Variants in DUSP12 observed in about 807,000 individuals in gnomAD.
DUSP12 encodes the protein dual specificity phosphatase 12, also known as dual specificity protein phosphatase 12.
A neutral mutation model predicts 38.9 loss-of-function variants in DUSP12; 25 were observed. That is an observed-to-expected ratio of 0.64 (90% CI 0.47 to 0.90). The LOEUF (loss-of-function observed/expected upper bound fraction) is 0.90. DUSP12 is among the 40% of genes least tolerant of loss of function. DUSP12 has a pLI of 0.00. For missense variants in DUSP12, 403 were observed against 427.0 expected (o/e 0.94, Z 0.50); for synonymous variants, 153 against 153.9 (o/e 0.99, Z 0.05).
intron 1 of DUSP12, among the ~76,000 whole-genome samples, chr1:161,750,942 A>T (rs971325768): frequency 3.9e-5 from 6 of 152,100 alleles, no homozygotes; most frequent in African/African-American, 7.2e-5. Flanking sequence ...AAAAAAAGAA[A>T]ATGGGAATCC....
chr1:161,752,018 C>A, intron 3 of DUSP12, 34 bp downstream of exon 3: 1 of 1,357,772 alleles, frequency 7.4e-7, no homozygotes, highest in South Asian at 1.3e-5. Context: ...AATGGGCTTT[C>A]TAGATGACAT....
chr1:161,753,135 C>T lies in DUSP12; in HGVS notation c.735C>T (p.Ala245=). The part of the protein sequence containing the change: ...LDHREGSGPI[A]FAHKRMTPSS... Reference sequence around the variant, plus strand: ...ACCGTGAAGGAAGTGGACCTATAGCCTTTGCCCACAAGAGAATGACACCAT... The same window carrying T: ...ACCGTGAAGGAAGTGGACCTATAGCTTTTGCCCACAAGAGAATGACACCAT... Residue 245 remains alanine (A), a synonymous_variant, in exon 5 of 6, where the codon GCC becomes GCT. Transcript: ENST00000367943. 6.2e-7 allele frequency: 1 copy of T among 1,613,942 alleles called. No individual in the cohort carries two copies. Among genetic ancestry groups the T allele is most frequent in the African/African-American group, 1.3e-5 (1 of 75,002 alleles).
At chr1:161,756,483 C>CTATATA (rs10527814) in intron 5 of DUSP12, among the ~76,000 whole-genome samples, 4,690 of 124,124 alleles carry the variant, frequency 0.038, 280 homozygotes, top group Non-Finnish European at 0.058. Flanking sequence ...GATTTAAAAG[C>CTATATA]TATATATATA....
rs780322655 is a variant in DUSP12, at chr1:161,756,810, A to G, written c.886A>G (p.Lys296Glu). The G allele has an allele frequency of 6.2e-7, 1 of 1,612,542 alleles. No individual in the cohort carries two copies. The highest frequency in any genetic ancestry group is 1.7e-5 in the Admixed American group (1 of 59,842). ...GQLLCPKCSA[K>E]LGSFNWYGEQ... ...GCTTCTTTGCCCAAAATGCAGTGCC[A>G]AGTTGGGTTCCTTCAACTGGTATGG... Residue 296 changes from lysine to glutamate, a missense_variant, in exon 6 of 6, where the codon AAG (lysine) becomes GAG (glutamate). Lys to Glu is a moderately conservative substitution (Grantham distance 56). Coordinates refer to ENST00000367943, the MANE Select transcript of DUSP12 (RefSeq NM_007240.3).
intron 5 of DUSP12, among the ~76,000 whole-genome samples, chr1:161,755,748 A>G (rs1418937063): frequency 2.6e-5 from 4 of 152,210 alleles, no homozygotes; most frequent in Non-Finnish European, 4.4e-5. Flanking sequence ...CATCTAATAT[A>G]TTGCAACTAT....
chr1:161,750,193 G>A, intron 1 of DUSP12, 48 bp downstream of exon 1: 1 of 1,572,474 alleles, frequency 6.4e-7, no homozygotes, highest in South Asian at 1.1e-5. Context: ...GCTTCCAGCC[G>A]GCCCCCGTCG....
intron 5 of DUSP12, among the ~76,000 whole-genome samples, chr1:161,755,451 T>C (rs1684094151): frequency 6.6e-6 from 1 of 152,194 alleles, no homozygotes; most frequent in Non-Finnish European, 1.5e-5. Flanking sequence ...ACAAATTTGG[T>C]TTTCAGTAAC....
At chr1:161,750,932 A>C (rs575666535) in intron 1 of DUSP12, among the ~76,000 whole-genome samples, 84 of 152,130 alleles carry the variant, frequency 5.5e-4, no homozygotes, top group East Asian at 2.9e-3. Context: ...CCCTCCCCCC[A>C]AAAAAAGAAA....
chr1:161,755,238 A>ATTTTACT (rs1220824195), intron 5 of DUSP12, among the ~76,000 whole-genome samples: 1 of 152,032 alleles, frequency 6.6e-6, no homozygotes, highest in African/African-American at 2.4e-5. Context: ...TGGCTTTCTA[A>ATTTTACT]TTTTACTTAA....
chr1:161,751,846 A>G lies in DUSP12; in HGVS notation c.459-20A>G. The G allele has an allele frequency of 6.2e-7, 1 of 1,603,338 alleles. No homozygotes were observed. The highest frequency in any genetic ancestry group is 8.5e-7 in the Non-Finnish European group (1 of 1,175,392). On this transcript the variant is annotated intron_variant, in intron 2 of 5. Transcript: ENST00000367943. ...TATAATTTTAAGAAAATGAAACTTT[A>G]TATTTCTTTATCATTACAGGATGAA...
chr1:161,753,744 G>A (rs1684066294), intron 5 of DUSP12, among the ~76,000 whole-genome samples: 1 of 141,760 alleles, frequency 7.1e-6, no homozygotes, highest in Admixed American at 6.9e-5. Context: ...AAGAAAAAAT[G>A]TATTAAACAA....
At chr1:161,751,177 G>C (rs1001743802) in intron 1 of DUSP12, 1 of 154,658 alleles carries the variant, frequency 6.5e-6, no homozygotes, top group African/African-American at 2.4e-5. Flanking sequence ...CGTAATTACG[G>C]CTCACTGCAG....
chr1:161,751,559 C>G (rs1264807909), intron 1 of DUSP12, 109 bp from the exon 2 acceptor site: 1 of 1,370,094 alleles, frequency 7.3e-7, no homozygotes, highest in Non-Finnish European at 9.8e-7. Flanking sequence ...ATTTGAGAAG[C>G]AAAAATGAAG....
Position 161,750,155 on chromosome 1 carries a change from C to T in DUSP12, c.344+10C>T. The T allele has an allele frequency of 6.2e-7, 1 of 1,605,426 alleles. No homozygotes were observed. Among genetic ancestry groups the T allele is most frequent in the South Asian group, 1.1e-5 (1 of 90,108 alleles). ...CGGTGTTGGTGCACTGGTGAGTGGC[C>T]GGGTCAGTGGGTGACGTGCCCCGCC... On this transcript the variant is annotated intron_variant, in intron 1 of 5. Transcript: ENST00000367943.
rs776516231 is a variant in DUSP12 at position 161,749,875 on chromosome 1, G to A, written c.74G>A (p.Gly25Glu). ...AGCGCCAGCAGAGTCAGCTGTGCCG[G>A]GCAGATGCTGGAAGTGCAGCCAGGA... ...NPSASRVSCA[G>E]QMLEVQPGLY... The change falls in exon 1 of 6, where the codon GGG (glycine) becomes GAG (glutamate). Residue 25 changes from glycine to glutamate, a missense_variant. Gly to Glu is a moderately conservative substitution (Grantham distance 98). Transcript: ENST00000367943. The A allele has an allele frequency of 3.1e-6, 5 of 1,611,770 alleles. No homozygotes were observed. The highest frequency in any genetic ancestry group is 4.5e-5 in the East Asian group (2 of 44,778).
At chr1:161,752,997 A>AAAAG (rs1684050645) in intron 4 of DUSP12, 78 bp from the exon 5 acceptor site, 1 of 1,454,300 alleles carries the variant, frequency 6.9e-7, no homozygotes, top group East Asian at 2.3e-5. Context: ...CTCAAAAAAA[A>AAAAG]AAGAAATACC....
chr1:161,752,429 G>A lies in DUSP12; in HGVS notation c.639G>A (p.Leu213=). The change falls in exon 4 of 6, where the codon TTG becomes TTA. Residue 213 remains leucine, a synonymous_variant. Coordinates refer to ENST00000367943, the MANE Select transcript of DUSP12 (RefSeq NM_007240.3). ...ACCCAACTACCGTTTCACAAGGATTGAAAGATGAGGTTCTCTACAAGTGTA... is the reference window on the plus strand; with the variant it reads ...ACCCAACTACCGTTTCACAAGGATTAAAAGATGAGGTTCTCTACAAGTGTA... ...AVDPTTVSQG[L]KDEVLYKCRK... is the part of the protein sequence containing the mutation. 6.2e-7 allele frequency: 1 copy of A among 1,612,748 alleles called. No homozygotes were observed. Among genetic ancestry groups the A allele is most frequent in the Non-Finnish European group, 8.5e-7 (1 of 1,179,070 alleles).
rs371298103 is a variant in DUSP12 at position 161,751,966 on chromosome 1, G to C, written c.559G>C (p.Val187Leu). ...AIYKQYRLQKVTEKYPELQNL... is the reference protein window; with the variant it reads ...AIYKQYRLQKLTEKYPELQNL... ...TTATAAGCAATATCGTTTACAAAAGGTTACAGAGAAGTATCCAGGTAAGTA... is the reference window on the plus strand; with the variant it reads ...TTATAAGCAATATCGTTTACAAAAGCTTACAGAGAAGTATCCAGGTAAGTA... The change falls in exon 3 of 6, where the codon GTT (valine) becomes CTT (leucine). Residue 187 changes from valine to leucine, a missense_variant. Coordinates refer to ENST00000367943, the MANE Select transcript of DUSP12 (RefSeq NM_007240.3). 9.1e-5 allele frequency: 147 copies of C among 1,609,076 alleles called. No individual in the cohort carries two copies. Among genetic ancestry groups the C allele is most frequent in the Non-Finnish European group, 1.2e-4 (144 of 1,177,422 alleles).
At position 161,756,830 on chromosome 1, in the gene DUSP12, G is replaced by C. The variant is rs1483790573; in HGVS notation, c.906G>C (p.Trp302Cys). Residue 302 changes from tryptophan to cysteine, a missense_variant, in exon 6 of 6, where the codon TGG becomes TGC. Transcript: ENST00000367943. ...KCSAKLGSFNWYGEQCSCGRW... is the reference protein window; with the variant it reads ...KCSAKLGSFNCYGEQCSCGRW... ...GTGCCAAGTTGGGTTCCTTCAACTG[G>C]TATGGTGAACAGTGCTCTTGTGGTA... 1 of 1,612,894 alleles carries C rather than the reference G, an allele frequency of 6.2e-7. No homozygotes were observed. The highest frequency in any genetic ancestry group is 1.3e-5 in the African/African-American group (1 of 74,928).
Sources: gnomAD v4.1 joint callset for allele counts (sites outside exome capture counted in the v4.1 genomes callset) on GRCh38, gnomAD v4.1.1 for gene constraint, MANE v1.5 for transcripts, NCBI Gene and HGNC (gene_info 2026-07-23, HGNC 2026-07-21) for gene names.